Variants in CDK14 observed in about 807,000 individuals in gnomAD.
CDK14 encodes the protein cyclin dependent kinase 14, also known as cyclin-dependent kinase 14.
A neutral mutation model predicts 60.7 loss-of-function variants in CDK14; 34 were observed. That is an observed-to-expected ratio of 0.56 (90% CI 0.43 to 0.75). The LOEUF (loss-of-function observed/expected upper bound fraction) is 0.75, where lower values mean the gene tolerates loss of function less well. CDK14 is among the 30% of genes least tolerant of loss of function. The pLI, the probability that CDK14 is intolerant of heterozygous loss-of-function variation, is 0.00. For missense variants in CDK14, 482 were observed against 564.1 expected (o/e 0.85, Z 1.47); for synonymous variants, 197 against 203.7 (o/e 0.97, Z 0.28).
chr7:90,765,217 T>C (rs1351651155), intron 4 of CDK14, among the ~76,000 whole-genome samples: 2 of 152,166 alleles, frequency 1.3e-5, no homozygotes, highest in Non-Finnish European at 2.9e-5. Flanking sequence ...AAAGCAATGG[T>C]CTAGGTTAAA....
intron 11 of CDK14, among the ~76,000 whole-genome samples, chr7:91,068,507 T>C (rs1798042607): frequency 1.3e-5 from 2 of 152,156 alleles, no homozygotes; most frequent in Admixed American, 1.3e-4. Flanking sequence ...AATAATTGAG[T>C]TGTGTGTGAA....
chr7:90,668,003 T>C (rs963437433), intron 2 of CDK14, among the ~76,000 whole-genome samples: 2 of 152,376 alleles, frequency 1.3e-5, no homozygotes, highest in East Asian at 3.9e-4. Flanking sequence ...GAAATTCATA[T>C]ACAAGTTTTC....
chr7:91,149,938 T>G (rs1229474798), intron 14 of CDK14, among the ~76,000 whole-genome samples: 1 of 152,200 alleles, frequency 6.6e-6, no homozygotes, highest in Non-Finnish European at 1.5e-5. Flanking sequence ...AGTTGTTGGC[T>G]AACAAGGCAC....
chr7:90,752,478 C>G (rs1475653777), intron 4 of CDK14, among the ~76,000 whole-genome samples: 1 of 151,886 alleles, frequency 6.6e-6, no homozygotes, highest in Non-Finnish European at 1.5e-5. Context: ...AAAACAGAGA[C>G]AAATCATACC....
chr7:90,812,190 A>T (rs550644938), intron 5 of CDK14, among the ~76,000 whole-genome samples: 1 of 152,190 alleles, frequency 6.6e-6, no homozygotes, highest in Non-Finnish European at 1.5e-5. Context: ...TGGCACTATT[A>T]GCAATAGCAA....
rs940800468 is a variant in CDK14 at position 91,118,258 on chromosome 7, G to A, written c.*28+50G>A. ...AAGTAATATTTAATGGATATTGAACGGATTCTTTAAGTGAAATATTTCAGA... is the reference window on the plus strand; with the variant it reads ...AAGTAATATTTAATGGATATTGAACAGATTCTTTAAGTGAAATATTTCAGA... On this transcript the variant is annotated intron_variant, in intron 14 of 14. Transcript: ENST00000380050. 40 of 839,974 alleles carry A rather than the reference G, an allele frequency of 4.8e-5. 1 individual carries two copies. The highest frequency in any genetic ancestry group is 4.9e-5 in the South Asian group (3 of 61,808). 52.0% of individuals were successfully genotyped at this position (839,974 alleles called of 1,614,324 possible).
chr7:90,988,460 G>A (rs991099129), intron 10 of CDK14, among the ~76,000 whole-genome samples: 8 of 152,068 alleles, frequency 5.3e-5, no homozygotes, highest in Non-Finnish European at 1.2e-4. Flanking sequence ...CACTTCTTTA[G>A]CATTACCCAG....
At chr7:91,181,988 A>G (rs1209233497) in intron 14 of CDK14, among the ~76,000 whole-genome samples, 1 of 152,134 alleles carries the variant, frequency 6.6e-6, no homozygotes, top group African/African-American at 2.4e-5. Flanking sequence ...TATGATATGT[A>G]TGTTTCTTTT....
At chr7:90,656,023 G>A (rs1469687586) in intron 2 of CDK14, among the ~76,000 whole-genome samples, 3 of 152,152 alleles carry the variant, frequency 2.0e-5, no homozygotes, top group African/African-American at 7.2e-5. Context: ...AGGTGGATTA[G>A]CCCATGTTTT....
At chr7:90,877,502 G>C (rs943677170) in intron 6 of CDK14, among the ~76,000 whole-genome samples, 14 of 152,108 alleles carry the variant, frequency 9.2e-5, no homozygotes, top group Non-Finnish European at 1.3e-4. Flanking sequence ...TCAAATATGT[G>C]ATCTTGGTTT....
intron 6 of CDK14, among the ~76,000 whole-genome samples, chr7:90,879,595 T>C (rs1791675002): frequency 6.6e-6 from 1 of 151,872 alleles, no homozygotes; most frequent in African/African-American, 2.4e-5. Context: ...GATCAGATAG[T>C]TGTAGATGTG....
intron 5 of CDK14, among the ~76,000 whole-genome samples, chr7:90,842,385 T>C (rs1790328185): frequency 6.6e-6 from 1 of 152,110 alleles, no homozygotes; most frequent in African/African-American, 2.4e-5. Context: ...AAATATTCTC[T>C]TATTAGTGAT....
intron 14 of CDK14, among the ~76,000 whole-genome samples, chr7:91,118,631 A>C (rs1379556950): frequency 6.6e-6 from 1 of 152,212 alleles, no homozygotes; most frequent in African/African-American, 2.4e-5. Context: ...GTTTTCCTTG[A>C]AAAATAAGCA....
At chr7:91,085,185 G>A (rs1036674094) in intron 12 of CDK14, among the ~76,000 whole-genome samples, 1 of 152,118 alleles carries the variant, frequency 6.6e-6, no homozygotes, top group Non-Finnish European at 1.5e-5. Context: ...TCTTTTCTCT[G>A]GGTCTCACAA....
At chr7:91,167,895 AGAAAAT>A (rs1320548195) in intron 14 of CDK14, among the ~76,000 whole-genome samples, 1 of 152,258 alleles carries the variant, frequency 6.6e-6, no homozygotes, top group Non-Finnish European at 1.5e-5. Context: ...TTACAAGATT[AGAAAAT>A]GTATTTAACC....
chr7:91,150,915 T>C (rs1265683428), intron 14 of CDK14, among the ~76,000 whole-genome samples: 1 of 152,198 alleles, frequency 6.6e-6, no homozygotes, highest in East Asian at 1.9e-4. Context: ...CAAAATGAAT[T>C]AGGTATTACT....
At chr7:91,098,527 GA>G (rs35620677) in intron 12 of CDK14, among the ~76,000 whole-genome samples, 7,289 of 133,712 alleles carry the variant, frequency 0.055, 274 homozygotes, top group Admixed American at 0.14. Flanking sequence ...GAAAGAAAGA[GA>G]AAAAAAAAAA....
Position 91,027,137 on chromosome 7 carries a change from T to A in CDK14, c.1042-18760T>A, listed in dbSNP as rs145021745. Among the ~76,000 whole-genome samples the A allele has an allele frequency of 7.5e-3, 1,141 of 152,358 alleles. 10 individuals are homozygous for A. The highest frequency in any genetic ancestry group is 0.012 in the Non-Finnish European group (810 of 68,030). On this transcript the variant is annotated intron_variant, in intron 10 of 14. Coordinates refer to ENST00000380050, the MANE Select transcript of CDK14 (RefSeq NM_001287135.2). ...TCATGTATAACCCACAATACGTAAC[T>A]GTTATAATTTCTAGATACTGGAAAA... is the stretch of plus-strand genomic sequence containing the variant.
intron 5 of CDK14, among the ~76,000 whole-genome samples, chr7:90,827,752 T>C (rs1462115180): frequency 6.6e-6 from 1 of 152,210 alleles, no homozygotes; most frequent in East Asian, 1.9e-4. Context: ...TTAATTCAAT[T>C]CCCAGAAACA....
Sources: gnomAD v4.1 joint callset for allele counts (sites outside exome capture counted in the v4.1 genomes callset) on GRCh38, gnomAD v4.1.1 for gene constraint, MANE v1.5 for transcripts, NCBI Gene and HGNC (gene_info 2026-07-23, HGNC 2026-07-21) for gene names.